The following STK3 variants were observed in gnomAD, a reference collection of about 807,000 sequenced individuals.
STK3 encodes the protein serine/threonine kinase 3.
STK3 carries 41 observed loss-of-function variants against 58.0 expected under a neutral mutation model. That is an observed-to-expected ratio of 0.71 (90% CI 0.55 to 0.92). STK3 has a LOEUF of 0.92. Among genes scored for constraint, STK3 ranks in the 40% least tolerant of loss-of-function variants. The pLI is 0.00. For synonymous variants in STK3, 170 were observed against 191.0 expected (o/e 0.89, Z 0.91); for missense variants, 479 against 602.7 (o/e 0.79, Z 2.15).
chr8:98,761,032 A>G (rs1830584235), intron 3 of STK3, among the ~76,000 whole-genome samples: 1 of 152,142 alleles, frequency 6.6e-6, no homozygotes, highest in Non-Finnish European at 1.5e-5. Context: ...CACCCAAAAT[A>G]TGGAATCAAT....
chr8:98,857,245 A>C (rs1253658791), intron 3 of STK3, among the ~76,000 whole-genome samples: 1 of 152,238 alleles, frequency 6.6e-6, no homozygotes, highest in Non-Finnish European at 1.5e-5. Context: ...GTTAAAAACA[A>C]ACAAACAATA....
chr8:98,824,677 A>C, intron 1 of STK3, among the ~76,000 whole-genome samples: 1 of 152,140 alleles, frequency 6.6e-6, no homozygotes, highest in Non-Finnish European at 1.5e-5. Flanking sequence ...ACAATTCACA[A>C]TAGCTCCCAA....
At chr8:98,526,185 G>A (rs1210797852) in intron 10 of STK3, among the ~76,000 whole-genome samples, 1 of 151,804 alleles carries the variant, frequency 6.6e-6, no homozygotes, top group Admixed American at 6.6e-5. Context: ...GAAGAACCAG[G>A]GTAGAAGAAA....
chr8:98,611,336 T>G (rs1177146790), intron 6 of STK3, among the ~76,000 whole-genome samples: 3 of 152,012 alleles, frequency 2.0e-5, no homozygotes, highest in Non-Finnish European at 4.4e-5. Context: ...ATGAAAAGTT[T>G]ATAATTAAAA....
intron 2 of STK3, among the ~76,000 whole-genome samples, chr8:98,374,313 C>CAGATCT (rs1382143913): frequency 6.6e-6 from 1 of 152,124 alleles, no homozygotes; most frequent in African/African-American, 2.4e-5. Context: ...GGAAAGAGGC[C>CAGATCT]GTCTGTCTAA....
chr8:98,523,188 GTCTTCA>G (rs1563697621), intron 10 of STK3, among the ~76,000 whole-genome samples: 2 of 152,044 alleles, frequency 1.3e-5, no homozygotes, highest in African/African-American at 4.8e-5. Flanking sequence ...ATTTCTCTAC[GTCTTCA>G]GAAACACTTG....
intron 1 of STK3, among the ~76,000 whole-genome samples, chr8:98,801,391 C>G (rs929631950): frequency 2.6e-5 from 4 of 152,154 alleles, no homozygotes; most frequent in African/African-American, 7.2e-5. Flanking sequence ...CCCTTCCACA[C>G]TGTGGAAGCT....
chr8:98,842,921 G>A (rs1836052678), intron 3 of STK3, among the ~76,000 whole-genome samples: 2 of 152,122 alleles, frequency 1.3e-5, no homozygotes, highest in Admixed American at 6.6e-5. Flanking sequence ...GGAGGCTAAG[G>A]TGGGAAGATT....
At chr8:98,885,887 C>T (rs946331530) in intron 1 of STK3, among the ~76,000 whole-genome samples, 9 of 152,128 alleles carry the variant, frequency 5.9e-5, no homozygotes, top group Non-Finnish European at 1.3e-4. Flanking sequence ...AAAAGGAACA[C>T]GTTATTGATA....
chr8:98,855,049 G>A (rs1016630627), intron 3 of STK3, among the ~76,000 whole-genome samples: 4 of 151,854 alleles, frequency 2.6e-5, no homozygotes, highest in South Asian at 2.1e-4. Context: ...AGAGTGAGAC[G>A]CTGTCTCAAA....
intron 6 of STK3, among the ~76,000 whole-genome samples, chr8:98,666,163 C>A (rs1466560346): frequency 6.6e-6 from 1 of 151,608 alleles, no homozygotes; most frequent in Non-Finnish European, 1.5e-5. Context: ...AATCTCCTTA[C>A]CTTGACACAA....
At position 98,526,901 on chromosome 8, in the gene STK3, TG is replaced by T. The variant is rs1416084837; in HGVS notation, c.1157del (p.Pro386HisfsTer55). 9.6e-6 allele frequency: 15 copies of T among 1,563,912 alleles called. No homozygotes were observed. Among genetic ancestry groups the T allele is most frequent in the African/African-American group, 1.4e-5 (1 of 73,846 alleles). On this transcript the variant is annotated frameshift_variant, in exon 10 of 11. Coordinates refer to ENST00000419617, the MANE Select transcript of STK3 (RefSeq NM_006281.4). LOFTEE classifies it high-confidence loss of function. ...CCATGAAAGATGGTCTTTGTACTTG[TG>T]GTGAGGTTGCATTTCCTTAGGTAAA... ...DGTMKRNATS[P>X]QVQRPSFMDY...
chr8:98,709,285 C>T (rs1038141301), intron 4 of STK3, among the ~76,000 whole-genome samples: 7 of 151,728 alleles, frequency 4.6e-5, no homozygotes, highest in African/African-American at 1.7e-4. Flanking sequence ...CAAGAAGGCC[C>T]AAAAGACATT....
intron 1 of STK3, among the ~76,000 whole-genome samples, chr8:98,938,317 G>A (rs1232074416): frequency 3.3e-5 from 5 of 152,180 alleles, no homozygotes; most frequent in Non-Finnish European, 7.3e-5. Flanking sequence ...GCCGAGGAGA[G>A]AAGTTCAAGT....
intron 9 of STK3, among the ~76,000 whole-genome samples, chr8:98,531,188 C>T (rs1047160996): frequency 6.6e-6 from 1 of 152,198 alleles, no homozygotes; most frequent in African/African-American, 2.4e-5. Flanking sequence ...TGATCCAGAT[C>T]CATCAAAGCA....
At chr8:98,777,559 T>C (rs1481408982) in intron 1 of STK3, among the ~76,000 whole-genome samples, 3 of 152,110 alleles carry the variant, frequency 2.0e-5, no homozygotes, top group Non-Finnish European at 4.4e-5. Context: ...AAGGTTATGG[T>C]AGTAGTAATG....
intron 6 of STK3, among the ~76,000 whole-genome samples, chr8:98,652,169 C>G (rs1044862726): frequency 6.6e-6 from 1 of 152,140 alleles, no homozygotes; most frequent in African/African-American, 2.4e-5. Flanking sequence ...ACAGTGGGGG[C>G]CAATATTCAA....
intron 1 of STK3, among the ~76,000 whole-genome samples, chr8:98,910,981 C>T (rs150262271): frequency 2.2e-4 from 33 of 152,338 alleles, no homozygotes; most frequent in Middle Eastern, 3.4e-3. Flanking sequence ...CATCACATGG[C>T]TTCTGGTGAG....
chr8:98,404,164 T>G (rs992491219), intron 3 of STK3, among the ~76,000 whole-genome samples: 1 of 152,244 alleles, frequency 6.6e-6, no homozygotes, highest in Non-Finnish European at 1.5e-5. Flanking sequence ...CCTGTCCTTT[T>G]GCCAGAAAAA....
Sources: allele counts gnomAD v4.1 joint callset (sites outside exome capture counted in the v4.1 genomes callset), GRCh38; gene constraint gnomAD v4.1.1; transcripts MANE v1.5; gene names NCBI Gene and HGNC (gene_info 2026-07-23, HGNC 2026-07-21).